Variants in GRM7 observed in about 807,000 individuals in gnomAD.
GRM7 encodes metabotropic glutamate receptor 7.
In GRM7, 35 loss-of-function variants were observed where a neutral mutation model predicts 84.5. That is an observed-to-expected ratio of 0.41 (90% CI 0.32 to 0.55). The LOEUF (loss-of-function observed/expected upper bound fraction) is 0.55, where lower values mean the gene tolerates loss of function less well. Ranked by LOEUF, GRM7 falls within the 20% of genes least tolerant of loss-of-function variation. The pLI, the probability that GRM7 is intolerant of heterozygous loss-of-function variation, is 0.19. For missense variants in GRM7, 1,003 were observed against 1,194.6 expected (o/e 0.84, Z 2.36); for synonymous variants, 487 against 455.1 (o/e 1.07, Z -0.89).
At chr3:7,343,231 TTTC>T (rs932978121) in intron 4 of GRM7, among the ~76,000 whole-genome samples, 18 of 152,000 alleles carry the variant, frequency 1.2e-4, no homozygotes, top group Admixed American at 2.6e-4. Flanking sequence ...AGGTGTTTTT[TTTC>T]TTCTTCTTCT....
intron 2 of GRM7, among the ~76,000 whole-genome samples, chr3:7,292,480 T>G (rs1699666205): frequency 6.6e-6 from 1 of 152,130 alleles, no homozygotes; most frequent in African/African-American, 2.4e-5. Context: ...GTTATTTAAC[T>G]TCAGAATGCC....
chr3:6,905,583 C>A (rs922525485), intron 1 of GRM7, among the ~76,000 whole-genome samples: 1 of 151,190 alleles, frequency 6.6e-6, no homozygotes, highest in Non-Finnish European at 1.5e-5. Context: ...TTCTCTCTCC[C>A]TCTCCGTCTT....
chr3:7,050,685 T>C (rs1421223365), intron 1 of GRM7, among the ~76,000 whole-genome samples: 1 of 151,940 alleles, frequency 6.6e-6, no homozygotes, highest in Non-Finnish European at 1.5e-5. Flanking sequence ...GCCACAAAAG[T>C]TTATTCCAAT....
intron 2 of GRM7, among the ~76,000 whole-genome samples, chr3:7,203,269 G>A (rs915636641): frequency 1.6e-4 from 25 of 152,146 alleles, no homozygotes; most frequent in African/African-American, 5.8e-4. Flanking sequence ...ACGTCCATGA[G>A]ATCAAGTGTA....
intron 1 of GRM7, among the ~76,000 whole-genome samples, chr3:6,879,708 G>A (rs114217073): frequency 0.012 from 1,765 of 152,296 alleles, 12 homozygotes; most frequent in Non-Finnish European, 0.019. Context: ...ATAACTATGG[G>A]ATGCTAGGAA....
intron 9 of GRM7, among the ~76,000 whole-genome samples, chr3:7,714,084 T>C (rs1349178927): frequency 6.6e-6 from 1 of 152,164 alleles, no homozygotes; most frequent in Non-Finnish European, 1.5e-5. Flanking sequence ...CCCATTTCAA[T>C]GAATATGTAT....
chr3:7,091,350 G>A (rs1698657570), intron 1 of GRM7, among the ~76,000 whole-genome samples: 1 of 152,172 alleles, frequency 6.6e-6, no homozygotes, highest in Admixed American at 6.5e-5. Flanking sequence ...GCCACAGCAG[G>A]TAGCAGAACT....
At chr3:7,542,511 A>G (rs779739) in intron 7 of GRM7, among the ~76,000 whole-genome samples, 46,844 of 148,208 alleles carry the variant, frequency 0.32, 7,457 homozygotes, top group Middle Eastern at 0.41. Context: ...CTACTTTTTC[A>G]TTCTTTTTCT....
chr3:7,100,198 T>C (rs1028975920), intron 1 of GRM7, among the ~76,000 whole-genome samples: 4 of 151,562 alleles, frequency 2.6e-5, no homozygotes, highest in African/African-American at 9.7e-5. Context: ...CATGAACTTT[T>C]ATGTTTCTTG....
At chr3:7,564,325 T>G (rs991554980) in intron 7 of GRM7, among the ~76,000 whole-genome samples, 2 of 152,178 alleles carry the variant, frequency 1.3e-5, no homozygotes, top group African/African-American at 4.8e-5. Flanking sequence ...TGTCTCCATT[T>G]CACAGATGAA....
chr3:7,354,362 A>G (rs947243229), intron 4 of GRM7, among the ~76,000 whole-genome samples: 4 of 152,088 alleles, frequency 2.6e-5, no homozygotes, highest in Admixed American at 6.5e-5. Context: ...CTGACTTACA[A>G]TGGGCCCATG....
chr3:7,446,756 G>A lies in GRM7; in HGVS notation c.1175-5851G>A, dbSNP rs139993899. 2.4e-4 allele frequency among the ~76,000 whole-genome samples: 37 copies of A among 152,078 alleles called. No homozygotes were observed. The East Asian group carries it at 6.6e-3, about 27-fold the overall frequency. On this transcript the variant is annotated intron_variant, in intron 5 of 9. Coordinates refer to ENST00000357716, the MANE Select transcript of GRM7 (RefSeq NM_000844.4). ...ATTACTGGCGTGAGCTACCTTGCCC[G>A]GCCAGGATTTTTTTTTATATTAACA...
At chr3:7,722,820 C>T (rs1575670174) in intron 9 of GRM7, among the ~76,000 whole-genome samples, 1 of 151,782 alleles carries the variant, frequency 6.6e-6, no homozygotes, top group South Asian at 2.1e-4. Flanking sequence ...GACAGGGTCT[C>T]ACTCTGTCAC....
chr3:7,371,790 T>C (rs386470279), intron 4 of GRM7, among the ~76,000 whole-genome samples: 3 of 152,254 alleles, frequency 2.0e-5, no homozygotes, highest in Non-Finnish European at 2.9e-5. Flanking sequence ...TTCTTTCCTC[T>C]AATGATTTGA....
At chr3:7,004,261 C>G (rs1365739555) in intron 1 of GRM7, among the ~76,000 whole-genome samples, 2 of 152,042 alleles carry the variant, frequency 1.3e-5, no homozygotes, top group Non-Finnish European at 2.9e-5. Flanking sequence ...TAGAGGCTGG[C>G]AACCATAGTA....
chr3:7,713,124 G>GTTTTTTTTTTTTTTTTTTTT (rs5846535), intron 9 of GRM7, among the ~76,000 whole-genome samples: 1 of 97,124 alleles, frequency 1.0e-5, no homozygotes, highest in Non-Finnish European at 2.2e-5. Flanking sequence ...ATTTTGTTTT[G>GTTTTTTTTTTTTTTTTTTTT]TTTTTTTTTT....
At chr3:7,523,964 A>C (rs1700695703) in intron 7 of GRM7, among the ~76,000 whole-genome samples, 2 of 152,136 alleles carry the variant, frequency 1.3e-5, no homozygotes, top group Admixed American at 1.3e-4. Context: ...CAAGGTAATA[A>C]GCTCCAAAAA....
chr3:7,090,574 C>T (rs544849366), intron 1 of GRM7, among the ~76,000 whole-genome samples: 17 of 152,316 alleles, frequency 1.1e-4, no homozygotes, highest in African/African-American at 3.8e-4. Context: ...ATTGTTATTA[C>T]CTGAATTATT....
chr3:7,648,530 C>A (rs11916384), intron 8 of GRM7, among the ~76,000 whole-genome samples: 30,800 of 151,622 alleles, frequency 0.2, 3,285 homozygotes, highest in Non-Finnish European at 0.23. Context: ...GTGCCTGTAA[C>A]CCTAGCTACT....
Sources: allele counts gnomAD v4.1 joint callset (sites outside exome capture counted in the v4.1 genomes callset), GRCh38; gene constraint gnomAD v4.1.1; transcripts MANE v1.5; gene names NCBI Gene and HGNC (gene_info 2026-07-23, HGNC 2026-07-21).